The following KCNQ5 variants were observed in gnomAD, a reference collection of about 807,000 sequenced individuals.
The protein encoded by KCNQ5 is potassium voltage-gated channel subfamily KQT member 5.
A neutral mutation model predicts 98.2 loss-of-function variants in KCNQ5; 30 were observed. The observed-to-expected ratio is 0.31, with a 90% CI of 0.23 to 0.41. The LOEUF (loss-of-function observed/expected upper bound fraction) is 0.41, where lower values mean the gene tolerates loss of function less well. Ranked by LOEUF, KCNQ5 falls within the 10% of genes least tolerant of loss-of-function variation. The pLI is 1.00. For synonymous variants in KCNQ5, 458 were observed against 449.4 expected (o/e 1.02, Z -0.24); for missense variants, 835 against 1,182.5 (o/e 0.71, Z 4.31).
At chr6:72,623,154 C>T (rs887880329) in intron 1 of KCNQ5, among the ~76,000 whole-genome samples, 2 of 152,108 alleles carry the variant, frequency 1.3e-5, no homozygotes, top group Non-Finnish European at 2.9e-5. Flanking sequence ...CAGCCACCAC[C>T]AACGGAAAAT....
intron 1 of KCNQ5, among the ~76,000 whole-genome samples, chr6:72,778,431 G>A (rs775755188): frequency 1.3e-5 from 2 of 151,866 alleles, no homozygotes; most frequent in African/African-American, 4.8e-5. Context: ...CCAGCTACTC[G>A]GGAAGCTGAG....
intron 1 of KCNQ5, among the ~76,000 whole-genome samples, chr6:72,723,248 A>G (rs1376865485): frequency 6.6e-6 from 1 of 152,206 alleles, no homozygotes; most frequent in Non-Finnish European, 1.5e-5. Context: ...TAAAATGGAA[A>G]TAATAATGGT....
In KCNQ5 at chr6:72,886,486, A is replaced by T. The variant is rs558752477; in HGVS notation, c.399-117422A>T. Among the ~76,000 whole-genome samples the T allele has an allele frequency of 3.3e-3, 496 of 152,328 alleles. 1 individual carries two copies. The highest frequency in any genetic ancestry group is 6.2e-3 in the Non-Finnish European group (422 of 68,024). On this transcript the variant is annotated intron_variant, in intron 1 of 13. Coordinates refer to ENST00000370398, the MANE Select transcript of KCNQ5 (RefSeq NM_019842.4). ...AGGTACATTTAATCAGAATTCCAGA[A>T]AGAATACAGAATTATAAAGAAAAGG...
At chr6:72,825,542 C>T (rs1307484554) in intron 1 of KCNQ5, among the ~76,000 whole-genome samples, 3 of 152,186 alleles carry the variant, frequency 2.0e-5, no homozygotes, top group Non-Finnish European at 2.9e-5. Flanking sequence ...GGAAGGTTCT[C>T]TCCTTTTCCT....
intron 10 of KCNQ5, among the ~76,000 whole-genome samples, chr6:73,143,777 C>T (rs187716109): frequency 2.6e-5 from 4 of 152,310 alleles, no homozygotes; most frequent in Admixed American, 2.6e-4. Context: ...CACCCCAGCC[C>T]ACCTCAGTTA....
At chr6:73,028,199 G>A (rs991210021) in intron 2 of KCNQ5, among the ~76,000 whole-genome samples, 1 of 152,150 alleles carries the variant, frequency 6.6e-6, no homozygotes, top group African/African-American at 2.4e-5. Flanking sequence ...AGTCTCCCCA[G>A]CTCCCACACC....
chr6:72,932,273 CGTGTGTGT>C (rs967705831), intron 1 of KCNQ5, among the ~76,000 whole-genome samples: 1 of 150,990 alleles, frequency 6.6e-6, no homozygotes, highest in African/African-American at 2.4e-5. Context: ...TGCGTGTGTG[CGTGTGTGT>C]GTGCATGTGT....
chr6:73,099,820 G>T (rs1366332463), intron 5 of KCNQ5, among the ~76,000 whole-genome samples: 1 of 152,160 alleles, frequency 6.6e-6, no homozygotes, highest in Non-Finnish European at 1.5e-5. Context: ...CTGCACAATA[G>T]ACCAAATGGA....
chr6:73,022,333 T>C (rs1313611034), intron 2 of KCNQ5, among the ~76,000 whole-genome samples: 1 of 152,100 alleles, frequency 6.6e-6, no homozygotes, highest in African/African-American at 2.4e-5. Flanking sequence ...ATTTTGCTTT[T>C]AAAGCACTGT....
chr6:73,186,548 A>G (rs1778577893), intron 11 of KCNQ5, among the ~76,000 whole-genome samples: 1 of 152,218 alleles, frequency 6.6e-6, no homozygotes, highest in Non-Finnish European at 1.5e-5. Context: ...CTGTTTTCAA[A>G]CTACCAATGT....
intron 1 of KCNQ5, among the ~76,000 whole-genome samples, chr6:72,929,118 T>C (rs548908879): frequency 3.3e-5 from 5 of 152,262 alleles, no homozygotes; most frequent in South Asian, 4.1e-4. Flanking sequence ...AGGTTCCTCA[T>C]AACTAGCTGT....
chr6:73,122,101 T>C (rs6453642), intron 8 of KCNQ5, among the ~76,000 whole-genome samples: 145,880 of 152,288 alleles, frequency 0.96, 69,865 homozygotes, highest in South Asian at 0.99. Context: ...ATTTTGATAT[T>C]AAAAAACCGA....
At chr6:73,053,845 A>C (rs1772346035) in intron 3 of KCNQ5, among the ~76,000 whole-genome samples, 1 of 152,148 alleles carries the variant, frequency 6.6e-6, no homozygotes, top group Admixed American at 6.5e-5. Context: ...AGAAATCAAA[A>C]TCTGCACTAA....
At chr6:73,129,653 ACT>A (rs1340521791) in intron 9 of KCNQ5, 5 of 644,800 alleles carry the variant, frequency 7.8e-6, no homozygotes, top group Admixed American at 2.9e-5. Flanking sequence ...ACAACATAGT[ACT>A]CTCTGCTTAA....
intron 1 of KCNQ5, among the ~76,000 whole-genome samples, chr6:72,850,781 G>A (rs1407261713): frequency 6.6e-6 from 1 of 152,122 alleles, no homozygotes; most frequent in Non-Finnish European, 1.5e-5. Context: ...TTATTAATAT[G>A]TATCCCTGAC....
At chr6:72,921,181 T>C (rs1446346918) in intron 1 of KCNQ5, among the ~76,000 whole-genome samples, 1 of 152,142 alleles carries the variant, frequency 6.6e-6, no homozygotes, top group Non-Finnish European at 1.5e-5. Context: ...ATACATGTTA[T>C]AAAATCAGCA....
Position 73,127,594 on chromosome 6 carries a change from G to A in KCNQ5, c.1247+3082G>A, listed in dbSNP as rs188013922. The stretch of plus-strand genomic sequence containing the variant: ...TTTCTGCAACATTGATTAAGATGTC[G>A]AACACATTTATAGAACCCTTAGTTA... On this transcript the variant is annotated intron_variant, in intron 9 of 13. Transcript: ENST00000370398. Among the ~76,000 whole-genome samples the A allele has an allele frequency of 9.3e-4, 141 of 152,264 alleles. 1 individual carries two copies. Among genetic ancestry groups the A allele is most frequent in the Non-Finnish European group, 4.6e-4 (31 of 68,022 alleles).
At chr6:72,688,837 T>C (rs1246186872) in intron 1 of KCNQ5, among the ~76,000 whole-genome samples, 1 of 152,184 alleles carries the variant, frequency 6.6e-6, no homozygotes, top group Non-Finnish European at 1.5e-5. Context: ...TTTTTAAAAT[T>C]TTTGGTCTTT....
intron 1 of KCNQ5, among the ~76,000 whole-genome samples, chr6:72,760,939 A>C (rs903546279): frequency 3.3e-5 from 5 of 152,150 alleles, no homozygotes; most frequent in African/African-American, 1.2e-4. Flanking sequence ...TCCTACTTTG[A>C]GTCCATGGTC....
Sources: gnomAD v4.1 joint callset for allele counts (sites outside exome capture counted in the v4.1 genomes callset) on GRCh38, gnomAD v4.1.1 for gene constraint, MANE v1.5 for transcripts, NCBI Gene and HGNC (gene_info 2026-07-23, HGNC 2026-07-21) for gene names.